Variants in TUSC3 observed in about 807,000 individuals in gnomAD.
TUSC3 encodes the protein dolichyl-diphosphooligosaccharide--protein glycosyltransferase subunit TUSC3.
In TUSC3, 45 loss-of-function variants were observed where a neutral mutation model predicts 44.8. That is an observed-to-expected ratio of 1.00 (90% CI 0.79 to 1.29). The LOEUF is 1.29. TUSC3 is among the 50% of genes most tolerant of loss of function. TUSC3 has a pLI of 0.00. For missense variants in TUSC3, 519 were observed against 437.9 expected, an observed-to-expected ratio of 1.19 and a Z score of -1.65; for synonymous variants, 212 against 152.9, an observed-to-expected ratio of 1.39 and a Z score of -2.85.
intron 1 of TUSC3, among the ~76,000 whole-genome samples, chr8:15,476,997 C>G (rs1009195538): frequency 6.6e-6 from 1 of 152,178 alleles, no homozygotes; most frequent in Non-Finnish European, 1.5e-5. Context: ...AGTTGGATTG[C>G]AATCAATGTG....
intron 9 of TUSC3, among the ~76,000 whole-genome samples, chr8:15,749,983 AT>A (rs34525756): frequency 2.8e-3 from 387 of 139,414 alleles, no homozygotes; most frequent in East Asian, 3.1e-3. Context: ...ATACTGTGAG[AT>A]TTTTTTTTTT....
At chr8:15,488,556 C>T (rs1193789362) in intron 2 of TUSC3, among the ~76,000 whole-genome samples, 2 of 152,042 alleles carry the variant, frequency 1.3e-5, no homozygotes, top group Non-Finnish European at 2.9e-5. Flanking sequence ...TGTTGTGTCC[C>T]CACCAAATTT....
rs114838942 is a variant in TUSC3 at position 15,503,752 on chromosome 8, C to T, written n.189+20269C>T. ...CCACAATGGCTCATGCCTGTAATTC[C>T]GGCACTTTGGGATCCTGAGGCGGGT... On this transcript the variant is annotated intron_variant and non_coding_transcript_variant, in intron 2 of 5. Transcript: ENST00000503191. Among the ~76,000 whole-genome samples, 1,064 of 152,026 alleles carry T rather than the reference C, an allele frequency of 7.0e-3. 9 individuals are homozygous for T. Among genetic ancestry groups the T allele is most frequent in the African/African-American group, 0.02 (839 of 41,434 alleles).
chr8:15,435,252 A>G (rs1476779386), intron 1 of TUSC3, among the ~76,000 whole-genome samples: 1 of 151,828 alleles, frequency 6.6e-6, no homozygotes, highest in Non-Finnish European at 1.5e-5. Context: ...ATGGTATCTC[A>G]TTGTGGTTTT....
At chr8:15,798,994 A>AG in the TUSC3 span, among the ~76,000 whole-genome samples, 11 of 152,294 alleles carry the variant, frequency 7.2e-5, no homozygotes, top group African/African-American at 2.6e-4. Flanking sequence ...GAGCAGTAAG[A>AG]CCAGAATACT....
chr8:15,577,435 T>C (rs1372229478), intron 1 of TUSC3, among the ~76,000 whole-genome samples: 1 of 151,800 alleles, frequency 6.6e-6, no homozygotes, highest in Non-Finnish European at 1.5e-5. Context: ...TCTAGGGTTT[T>C]TATGGTTTTA....
chr8:15,603,273 T>G (rs2129155410), intron 1 of TUSC3, among the ~76,000 whole-genome samples: 1 of 151,902 alleles, frequency 6.6e-6, no homozygotes, highest in Non-Finnish European at 1.5e-5. Flanking sequence ...TATAATGTCA[T>G]TAAACATCAT....
intron 6 of TUSC3, among the ~76,000 whole-genome samples, chr8:15,699,092 C>G (rs539066733): frequency 1.3e-5 from 2 of 152,118 alleles, no homozygotes; most frequent in Non-Finnish European, 2.9e-5. Flanking sequence ...AAGTGATACT[C>G]CAGCACTGGC....
At chr8:15,447,775 G>C (rs1477269721) in intron 1 of TUSC3, among the ~76,000 whole-genome samples, 4 of 150,724 alleles carry the variant, frequency 2.7e-5, no homozygotes, top group Admixed American at 2.0e-4. Flanking sequence ...AAGTGTACAT[G>C]ATGTAAAATG....
intron 1 of TUSC3, among the ~76,000 whole-genome samples, chr8:15,471,998 A>G (rs1159247148): frequency 6.6e-6 from 1 of 151,808 alleles, no homozygotes; most frequent in Non-Finnish European, 1.5e-5. Flanking sequence ...GTGCACAAGA[A>G]AAAAAATGAT....
chr8:15,584,091 G>T (rs1047443758), intron 1 of TUSC3, among the ~76,000 whole-genome samples: 5 of 152,196 alleles, frequency 3.3e-5, no homozygotes, highest in African/African-American at 1.2e-4. Context: ...TAATATTTCT[G>T]TGGGAATTTG....
At chr8:15,748,192 G>A (rs1381457865) in intron 8 of TUSC3, among the ~76,000 whole-genome samples, 183 bp from the exon 9 acceptor site, 1 of 152,024 alleles carries the variant, frequency 6.6e-6, no homozygotes, top group Non-Finnish European at 1.5e-5. Context: ...TTTTCATTGA[G>A]AAGAATGTGG....
chr8:15,783,347 A>G, the TUSC3 span, among the ~76,000 whole-genome samples: 1 of 152,188 alleles, frequency 6.6e-6, no homozygotes, highest in Admixed American at 6.5e-5. Context: ...TTCCAGTGTC[A>G]TTTTTCACAG....
At chr8:15,544,270 T>C (rs570002425) in intron 1 of TUSC3, among the ~76,000 whole-genome samples, 1 of 152,188 alleles carries the variant, frequency 6.6e-6, no homozygotes, top group South Asian at 2.1e-4. Context: ...TTAACACTTA[T>C]CAGTTAATCA....
At chr8:15,659,714 A>G in intron 4 of TUSC3, 67 bp downstream of exon 4, 1 of 1,584,700 alleles carries the variant, frequency 6.3e-7, no homozygotes, top group Middle Eastern at 1.7e-4. Context: ...GCATTTTAAT[A>G]AGGCCACAGT....
chr8:15,540,320 C>A lies in TUSC3; in HGVS notation c.-111C>A, dbSNP rs1479784219. On this transcript the variant is annotated 5_prime_UTR_variant, in exon 1 of 11. Transcript: ENST00000503731. ...GGGTCCCTCGCAAAGCCGCTGCCATCCCGGAGGGCCCAGCCAGCGGGCTCC... is the reference window on the plus strand; with the variant it reads ...GGGTCCCTCGCAAAGCCGCTGCCATACCGGAGGGCCCAGCCAGCGGGCTCC... 19 of 1,351,076 alleles carry A rather than the reference C, an allele frequency of 1.4e-5. No individual in the cohort carries two copies. The highest frequency in any genetic ancestry group is 2.7e-4 in the Middle Eastern group (1 of 3,656). 83.7% of individuals were successfully genotyped at this position (1,351,076 alleles called of 1,614,324 possible). A position where few individuals can be genotyped will look rare whatever the true frequency, so the allele number is the denominator to read the frequency against.
the TUSC3 span, among the ~76,000 whole-genome samples, chr8:15,792,971 C>T: frequency 1.3e-5 from 2 of 151,990 alleles, no homozygotes; most frequent in African/African-American, 4.8e-5. Context: ...CTCTGTAAGG[C>T]GCCTACCTCC....
the TUSC3 span, chr8:15,806,560 T>G: frequency 6.9e-7 from 1 of 1,448,966 alleles, no homozygotes; most frequent in Non-Finnish European, 9.7e-7. Flanking sequence ...GCTCTTCATT[T>G]CCCATAACAT....
intron 2 of TUSC3, among the ~76,000 whole-genome samples, chr8:15,487,157 G>A (rs533725995): frequency 1.2e-4 from 19 of 152,238 alleles, no homozygotes; most frequent in African/African-American, 4.1e-4. Context: ...GTTTTATTGT[G>A]TTTTAATGAT....
Sources: gnomAD v4.1 joint callset for allele counts (sites outside exome capture counted in the v4.1 genomes callset) on GRCh38, gnomAD v4.1.1 for gene constraint, MANE v1.5 for transcripts, NCBI Gene and HGNC (gene_info 2026-07-23, HGNC 2026-07-21) for gene names.